Variants in LRRC37A2 observed in about 807,000 individuals in gnomAD.
LRRC37A2 encodes the protein leucine-rich repeat-containing protein 37A2.
A neutral mutation model predicts 68.8 loss-of-function variants in LRRC37A2; 9 were observed. That is an observed-to-expected ratio of 0.13 (90% CI 0.08 to 0.23). The LOEUF is 0.23. Among genes scored for constraint, LRRC37A2 ranks in the 10% least tolerant of loss-of-function variants. The pLI is 1.00. For synonymous variants in LRRC37A2, 63 were observed against 367.6 expected (o/e 0.17, Z 9.48); for missense variants, 168 against 950.4 (o/e 0.18, Z 10.82).
the LRRC37A2 span, among the ~76,000 whole-genome samples, chr17:46,951,180 T>C: frequency 3.9e-5 from 6 of 152,164 alleles, no homozygotes; most frequent in African/African-American, 1.2e-4. Context: ...CAGACCACGC[T>C]GTCCCTAGGA....
the LRRC37A2 span, chr17:46,936,199 A>G: frequency 1.0e-6 from 1 of 985,482 alleles, no homozygotes; most frequent in Non-Finnish European, 1.2e-6. Flanking sequence ...ACCTGAACTG[A>G]TACATGTTGA....
the LRRC37A2 span, among the ~76,000 whole-genome samples, chr17:46,811,906 A>G: frequency 6.6e-6 from 1 of 152,246 alleles, no homozygotes; most frequent in East Asian, 1.9e-4. Flanking sequence ...GCAGTGAGCC[A>G]AGATTGTGCC....
At chr17:46,830,733 G>A in the LRRC37A2 span, 1 of 398,656 alleles carries the variant, frequency 2.5e-6, no homozygotes, top group Non-Finnish European at 4.4e-6. Context: ...CATGGCTAGA[G>A]AGGGCCACGG....
chr17:46,980,249 T>G, the LRRC37A2 span, among the ~76,000 whole-genome samples: 2 of 152,292 alleles, frequency 1.3e-5, no homozygotes, highest in East Asian at 3.9e-4. Context: ...GAATGGCATT[T>G]TAAGGTATGG....
chr17:46,810,897 C>T, the LRRC37A2 span, among the ~76,000 whole-genome samples: 5 of 152,098 alleles, frequency 3.3e-5, no homozygotes, highest in African/African-American at 4.8e-5. Flanking sequence ...ACTCCCTGCC[C>T]GGAAGCCGCC....
At chr17:46,900,162 CATATACATATATATATAT>C in the LRRC37A2 span, among the ~76,000 whole-genome samples, 95 of 101,142 alleles carry the variant, frequency 9.4e-4, 2 homozygotes, top group African/African-American at 3.8e-3. Context: ...TATATATATA[CATATACATATATATATAT>C]ATATATATAT....
chr17:46,525,780 G>A, intron 6 of LRRC37A2, among the ~76,000 whole-genome samples: 1 of 86,406 alleles, frequency 1.2e-5, no homozygotes, highest in Non-Finnish European at 2.3e-5. Context: ...ACTAAGTGCT[G>A]GGGCTACAAA....
the LRRC37A2 span, among the ~76,000 whole-genome samples, chr17:46,815,481 G>T: frequency 6.6e-6 from 1 of 152,166 alleles, no homozygotes; most frequent in African/African-American, 2.4e-5. Context: ...CATGAGCTGG[G>T]TGGGCCAAAG....
chr17:46,960,972 T>G, the LRRC37A2 span, among the ~76,000 whole-genome samples: 1 of 152,042 alleles, frequency 6.6e-6, no homozygotes. Context: ...AAAGTAAATT[T>G]TACCCTAAAT....
chr17:46,793,368 G>T, the LRRC37A2 span, among the ~76,000 whole-genome samples: 20 of 151,344 alleles, frequency 1.3e-4, no homozygotes, highest in Admixed American at 1.3e-3. Flanking sequence ...AGGAGAAAGG[G>T]AAGGAAGTGC....
At chr17:46,747,106 GC>G in the LRRC37A2 span, among the ~76,000 whole-genome samples, 1 of 152,126 alleles carries the variant, frequency 6.6e-6, no homozygotes, top group Non-Finnish European at 1.5e-5. Flanking sequence ...CTATAGTGAA[GC>G]CCCCCGACAC....
the LRRC37A2 span, among the ~76,000 whole-genome samples, chr17:47,040,164 C>T: frequency 1.9e-4 from 29 of 150,870 alleles, no homozygotes; most frequent in African/African-American, 7.0e-4. Flanking sequence ...TTCTCTAGGC[C>T]AGGCATGGTG....
chr17:47,020,847 A>G, the LRRC37A2 span, among the ~76,000 whole-genome samples: 3 of 150,518 alleles, frequency 2.0e-5, no homozygotes, highest in African/African-American at 7.3e-5. Flanking sequence ...AGGGAGGTAT[A>G]TATAATTAAG....
At chr17:46,891,476 C>T in the LRRC37A2 span, among the ~76,000 whole-genome samples, 1 of 152,202 alleles carries the variant, frequency 6.6e-6, no homozygotes, top group African/African-American at 2.4e-5. Context: ...GGATGGTCTG[C>T]ATTCACCCCA....
chr17:46,799,357 G>A, the LRRC37A2 span, among the ~76,000 whole-genome samples: 5 of 152,068 alleles, frequency 3.3e-5, no homozygotes, highest in African/African-American at 4.8e-5. Context: ...GCCTGGCCTG[G>A]GAGAGAATAT....
chr17:46,952,718 GAGAGACAGAGAA>G, the LRRC37A2 span: 7 of 152,202 alleles, frequency 4.6e-5, no homozygotes, highest in African/African-American at 1.7e-4. Flanking sequence ...AAAACAGAGA[GAGAGACAGAGAA>G]AGAGATGGCA....
the LRRC37A2 span, among the ~76,000 whole-genome samples, chr17:46,832,014 G>T: frequency 6.6e-6 from 1 of 152,222 alleles, no homozygotes. Context: ...GTCCTCCTAG[G>T]TGAAGGGTTG....
chr17:46,812,533 C>G, the LRRC37A2 span, among the ~76,000 whole-genome samples: 1 of 152,162 alleles, frequency 6.6e-6, no homozygotes. Flanking sequence ...AGCCCCCTGG[C>G]TCTAGGTCCC....
At chr17:46,913,558 A>G in the LRRC37A2 span, among the ~76,000 whole-genome samples, 2 of 152,352 alleles carry the variant, frequency 1.3e-5, no homozygotes, top group Non-Finnish European at 2.9e-5. Flanking sequence ...CACAGGGAAC[A>G]GTGCATACAA....
Sources: allele counts gnomAD v4.1 joint callset (sites outside exome capture counted in the v4.1 genomes callset), GRCh38; gene constraint gnomAD v4.1.1; transcripts MANE v1.5; gene names NCBI Gene and HGNC (gene_info 2026-07-23, HGNC 2026-07-21).